SLC18B1: variants seen among roughly 807,000 people sequenced by gnomAD.
SLC18B1 encodes the protein MFS-type transporter SLC18B1.
A neutral mutation model predicts 53.9 loss-of-function variants in SLC18B1; 62 were observed. The ratio of observed to expected loss-of-function variants is 1.15; its 90% CI spans 0.94 to 1.42. The LOEUF (loss-of-function observed/expected upper bound fraction) is 1.42, where lower values mean the gene tolerates loss of function less well. Among genes scored for constraint, SLC18B1 ranks in the 40% most tolerant of loss-of-function variants. SLC18B1 has a pLI of 0.00. For missense variants in SLC18B1, 598 were observed against 547.3 expected, an observed-to-expected ratio of 1.09 and a Z score of -0.93; for synonymous variants, 217 against 200.9, an observed-to-expected ratio of 1.08 and a Z score of -0.68.
chr6:132,790,760 T>C (rs1781502737), intron 2 of SLC18B1, among the ~76,000 whole-genome samples: 1 of 152,230 alleles, frequency 6.6e-6, no homozygotes, highest in South Asian at 2.1e-4. Context: ...TCTAGGTCTC[T>C]GTTTCTGACA....
At position 132,770,016 on chromosome 6, in the gene SLC18B1, TTTGTTTTGC is replaced by T. The variant is rs760301090; in HGVS notation, c.*245_*253del. On this transcript the variant is annotated 3_prime_UTR_variant, in exon 14 of 14. Coordinates refer to ENST00000275227, the MANE Select transcript of SLC18B1 (RefSeq NM_052831.3). ...TGGTCATTTAAAAACTAAGTCTTGT[TTTGTTTTGC>T]TTGTTTTTAATTACTCCTTTCATAC... is the stretch of plus-strand genomic sequence containing the variant. 2 of 292,552 alleles carry T rather than the reference TTTGTTTTGC, an allele frequency of 6.8e-6. No individual in the cohort carries two copies. Among genetic ancestry groups the T allele is most frequent in the Non-Finnish European group, 1.3e-5 (2 of 158,662 alleles). The allele number at this position is 292,552 out of a possible 1,614,324, so 18.1% of individuals were successfully genotyped here. A position where few individuals can be genotyped will look rare whatever the true frequency, so the allele number is the denominator to read the frequency against.
intron 1 of SLC18B1, among the ~76,000 whole-genome samples, chr6:132,798,206 T>C (rs1030109020): frequency 6.6e-5 from 10 of 152,198 alleles, no homozygotes; most frequent in Non-Finnish European, 1.5e-5. Flanking sequence ...GGTTAGAAAG[T>C]CATTAGAAAC....
At position 132,770,741 on chromosome 6, in the gene SLC18B1, A is replaced by G. The variant is rs568381535; in HGVS notation, c.1304+149T>C. On this transcript the variant is annotated intron_variant, in intron 13 of 13. Transcript: ENST00000275227. ...ACAGAGCAAGACACCATCTCAAAAA[A>G]TAAAAATTAAAAAAGTATCTACCAA... is the stretch of plus-strand genomic sequence containing the variant. The G allele has an allele frequency of 4.7e-4, 370 of 790,178 alleles. No homozygotes were observed. The African/African-American group carries it at 5.8e-3, about 12-fold the overall frequency. The allele number at this position is 790,178 out of a possible 1,614,324, so 48.9% of individuals were successfully genotyped here.
chr6:132,788,968 C>G (rs1241982807), intron 4 of SLC18B1, among the ~76,000 whole-genome samples: 1 of 151,156 alleles, frequency 6.6e-6, no homozygotes, highest in East Asian at 1.9e-4. Context: ...ATAAACGACC[C>G]TTCCAAAAAA....
Position 132,783,983 on chromosome 6 carries a change from C to G in SLC18B1, c.608G>C (p.Cys203Ser). 1 of 1,607,850 alleles carries G rather than the reference C, an allele frequency of 6.2e-7. No homozygotes were observed. The highest frequency in any genetic ancestry group is 8.5e-7 in the Non-Finnish European group (1 of 1,177,430). Residue 203 changes from cysteine (C) to serine (S), a missense_variant, in exon 6 of 14, where the codon TGC becomes TCC. Cys to Ser is a moderately radical substitution (Grantham distance 112). Transcript: ENST00000275227. ...GYEVPFIVLGCVVLLMVPLNM... is the reference protein window; with the variant it reads ...GYEVPFIVLGSVVLLMVPLNM... ...GAGTGGTACCATCAGCAAAACGACG[C>G]ATCCCAGAACAATAAAAGGCACTTC...
chr6:132,772,672 C>T (rs1010706087), intron 10 of SLC18B1, among the ~76,000 whole-genome samples: 4 of 152,126 alleles, frequency 2.6e-5, no homozygotes, highest in Admixed American at 2.6e-4. Context: ...ACTCTAGGCT[C>T]TCTCATGGAC....
chr6:132,797,577 T>G (rs1402817117), intron 1 of SLC18B1, among the ~76,000 whole-genome samples: 3 of 151,960 alleles, frequency 2.0e-5, no homozygotes, highest in African/African-American at 7.2e-5. Flanking sequence ...CAGCCTGGGC[T>G]ACAGAGAGAG....
At position 132,770,925 on chromosome 6, in the gene SLC18B1, G is replaced by A; in HGVS notation, c.1269C>T (p.Gly423=). 6.2e-7 allele frequency: 1 copy of A among 1,612,352 alleles called. No homozygotes were observed. The highest frequency in any genetic ancestry group is 8.5e-7 in the Non-Finnish European group (1 of 1,179,542). The change falls in exon 13 of 14, where the codon GGC becomes GGT. Residue 423 remains glycine, a synonymous_variant. Transcript: ENST00000275227. Reference sequence around the variant, plus strand: ...TTGAATACTCCAGTAGATAAAACAAGCCCATGGCTAATCCCTTAAACACAA... The same window carrying A: ...TTGAATACTCCAGTAGATAAAACAAACCCATGGCTAATCCCTTAAACACAA... ...LWALISGLAM[G]LFYLLEYSRR...
At position 132,773,031 on chromosome 6, in the gene SLC18B1, A is replaced by G. The variant is rs1416840138; in HGVS notation, c.1047T>C (p.Ser349=). ...LVVSGLSAGM[S]IIPTFPEILS... ...GAATTTCCGGGAAAGTTGGAATTAT[A>G]CTCATTCCAGCAGAGAGGCCACTTA... is the stretch of plus-strand genomic sequence containing the variant. The change falls in exon 10 of 14, where the codon AGT becomes AGC. Residue 349 remains serine, a synonymous_variant. Transcript: ENST00000275227. 6.2e-7 allele frequency: 1 copy of G among 1,613,730 alleles called. No homozygotes were observed. Among genetic ancestry groups the G allele is most frequent in the Non-Finnish European group, 8.5e-7 (1 of 1,179,788 alleles).
chr6:132,793,457 G>A (rs186066558), intron 2 of SLC18B1, among the ~76,000 whole-genome samples: 3 of 152,252 alleles, frequency 2.0e-5, no homozygotes, highest in Non-Finnish European at 2.9e-5. Flanking sequence ...GACAAAAGTA[G>A]CAAATGTAAG....
At position 132,783,968 on chromosome 6, in the gene SLC18B1, A is replaced by AT; in HGVS notation, c.622dup (p.Met208AsnfsTer15). ...TAAAATATACATATTGAGTGGTACC[A>AT]TCAGCAAAACGACGCATCCCAGAAC... On this transcript the variant is annotated frameshift_variant, in exon 6 of 14. Transcript: ENST00000275227. LOFTEE classifies it high-confidence loss of function. The AT allele has an allele frequency of 6.2e-7, 1 of 1,606,698 alleles. No homozygotes were observed. The highest frequency in any genetic ancestry group is 8.5e-7 in the Non-Finnish European group (1 of 1,177,190).
intron 2 of SLC18B1, among the ~76,000 whole-genome samples, chr6:132,791,033 T>C (rs1301032054): frequency 2.0e-5 from 3 of 152,194 alleles, no homozygotes; most frequent in South Asian, 2.1e-4. Context: ...CATATAAAAA[T>C]AGAAAGTTTA....
At chr6:132,774,361 C>T (rs755754926) in intron 8 of SLC18B1, 48 bp from the exon 9 acceptor site, 121 of 1,412,808 alleles carry the variant, frequency 8.6e-5, no homozygotes, top group Non-Finnish European at 1.1e-4. Context: ...GGCAAAGACC[C>T]TCCATAATCA....
intron 2 of SLC18B1, among the ~76,000 whole-genome samples, chr6:132,792,237 A>AAGAG (rs1328834273): frequency 6.4e-4 from 3 of 4,668 alleles, no homozygotes; most frequent in Non-Finnish European, 1.3e-3. Flanking sequence ...GAAAGAAAGA[A>AAGAG]AGAAAGAAAG....
chr6:132,776,265 C>T (rs1303773042), intron 8 of SLC18B1, 63 bp downstream of exon 8: 2 of 1,278,422 alleles, frequency 1.6e-6, no homozygotes, highest in African/African-American at 3.0e-5. Context: ...TCCAAAGGAA[C>T]AGTTGGAAAA....
At position 132,798,449 on chromosome 6, in the gene SLC18B1, G is replaced by A. The variant is rs1360887196; in HGVS notation, c.8C>T (p.Ala3Val). Residue 3 changes from alanine (A) to valine (V), a missense_variant, in exon 1 of 14, where the codon GCG (alanine) becomes GTG (valine). Physicochemically the swap from Ala to Val is moderately conservative, Grantham distance 64 (BLOSUM62 0). Transcript: ENST00000275227. ...GCGTGGTCCCTCCAGGTCACCCAGC[G>A]CCTCCATCCCCGGTGCGTGGACTCC... MEALGDLEGPRAP... is the reference protein window; with the variant it reads MEVLGDLEGPRAP... 3 of 1,522,830 alleles carry A rather than the reference G, an allele frequency of 2.0e-6. No homozygotes were observed. Among genetic ancestry groups the A allele is most frequent in the Non-Finnish European group, 2.7e-6 (3 of 1,131,652 alleles). The allele number at this position is 1,522,830 out of a possible 1,614,324, so 94.3% of individuals were successfully genotyped here.
chr6:132,781,058 T>C (rs1781223512), intron 6 of SLC18B1, among the ~76,000 whole-genome samples: 1 of 152,170 alleles, frequency 6.6e-6, no homozygotes. Context: ...AGGATGTTAG[T>C]TACTTTTAAA....
chr6:132,797,251 T>C (rs560601221), intron 1 of SLC18B1, 130 bp from the exon 2 acceptor site: 6 of 1,115,438 alleles, frequency 5.4e-6, no homozygotes, highest in Non-Finnish European at 7.6e-6. Flanking sequence ...ATTTTGAATA[T>C]AGCACATTTG....
intron 13 of SLC18B1, 29 bp downstream of exon 13, chr6:132,770,861 G>A: frequency 6.3e-7 from 1 of 1,586,188 alleles, no homozygotes; most frequent in Non-Finnish European, 8.5e-7. Context: ...CTTTTAAAGA[G>A]AGAAAAAAAG....
Sources: allele counts gnomAD v4.1 joint callset (sites outside exome capture counted in the v4.1 genomes callset), GRCh38; gene constraint gnomAD v4.1.1; transcripts MANE v1.5; gene names NCBI Gene and HGNC (gene_info 2026-07-23, HGNC 2026-07-21).